Variants in XPO5 observed in about 807,000 individuals in gnomAD.
XPO5 encodes exportin-5.
In XPO5, 46 loss-of-function variants were observed where a neutral mutation model predicts 160.6. That is an observed-to-expected ratio of 0.29 (90% CI 0.23 to 0.37). The LOEUF is 0.37. XPO5 is among the 10% of genes least tolerant of loss of function. The pLI is 1.00. For synonymous variants in XPO5, 537 were observed against 519.3 expected (o/e 1.03, Z -0.46); for missense variants, 1,090 against 1,463.9 (o/e 0.74, Z 4.17).
chr6:43,539,632 G>T (rs1025779677), intron 20 of XPO5: 10 of 1,339,096 alleles, frequency 7.5e-6, no homozygotes, highest in Admixed American at 3.9e-5. Context: ...CTCTGCGGAA[G>T]CCACCGCGGT....
intron 6 of XPO5, among the ~76,000 whole-genome samples, chr6:43,568,490 C>T (rs1762819744): frequency 6.6e-6 from 1 of 151,966 alleles, no homozygotes; most frequent in Admixed American, 6.6e-5. Flanking sequence ...CCTATATTCC[C>T]AGCTACTCAT....
At chr6:43,556,887 G>A (rs192448651) in intron 12 of XPO5, among the ~76,000 whole-genome samples, 2 of 152,152 alleles carry the variant, frequency 1.3e-5, no homozygotes. Context: ...CAGCACTTTG[G>A]GACGCCAAGG....
intron 26 of XPO5, 115 bp downstream of exon 26, chr6:43,527,519 T>C: frequency 9.9e-7 from 1 of 1,014,284 alleles, no homozygotes; most frequent in Non-Finnish European, 1.5e-6. Flanking sequence ...CAATCCACCA[T>C]GCCCGCCGCA....
chr6:43,561,049 A>T, intron 9 of XPO5, 42 bp from the exon 10 acceptor site: 1 of 1,500,776 alleles, frequency 6.7e-7, no homozygotes, highest in African/African-American at 1.4e-5. Context: ...TGATCGAGAA[A>T]AGCAGGAGAG....
chr6:43,531,403 A>G, intron 22 of XPO5, 76 bp downstream of exon 22: 1 of 1,401,616 alleles, frequency 7.1e-7, no homozygotes, highest in South Asian at 1.2e-5. Flanking sequence ...CACTAGATGA[A>G]AAGTCCAACC....
At chr6:43,557,244 G>C (rs1391086375) in intron 12 of XPO5, among the ~76,000 whole-genome samples, 1 of 151,778 alleles carries the variant, frequency 6.6e-6, no homozygotes, top group Non-Finnish European at 1.5e-5. Flanking sequence ...GGCTAACACA[G>C]TGAAACCCTG....
chr6:43,539,754 T>C (rs1794585759), intron 20 of XPO5: 1 of 600,940 alleles, frequency 1.7e-6, no homozygotes, highest in Non-Finnish European at 2.9e-6. Flanking sequence ...TGGGAATAGT[T>C]TGTCTAAGAG....
At chr6:43,542,982 T>C (rs771206417) in intron 20 of XPO5, among the ~76,000 whole-genome samples, 9 of 152,264 alleles carry the variant, frequency 5.9e-5, no homozygotes, top group Non-Finnish European at 1.2e-4. Flanking sequence ...CAAGGCTGAA[T>C]AGTTACAGCA....
chr6:43,544,955 C>G (rs1218571445), intron 20 of XPO5, among the ~76,000 whole-genome samples: 5 of 152,174 alleles, frequency 3.3e-5, no homozygotes, highest in East Asian at 1.9e-4. Context: ...TCACTGCAAT[C>G]TCCGCCTCCC....
Position 43,530,745 on chromosome 6 carries a change from T to G in XPO5, c.2620A>C (p.Ser874Arg), listed in dbSNP as rs1382571350. The change falls in exon 23 of 32, where the codon AGC becomes CGC. Residue 874 changes from serine (S) to arginine (R), a missense_variant. Transcript: ENST00000265351. ...TVEDLATQLLSSAFVNLNNIP... is the reference protein window; with the variant it reads ...TVEDLATQLLRSAFVNLNNIP... ...TTGTTCAAGTTGACAAAGGCTGAGC[T>G]GAGAAGCTGGGTAGCAAGGTCCTCC... 6.2e-7 allele frequency: 1 copy of G among 1,613,928 alleles called. No individual in the cohort carries two copies. The highest frequency in any genetic ancestry group is 8.5e-7 in the Non-Finnish European group (1 of 1,179,876).
chr6:43,533,519 G>A (rs1794131351), intron 21 of XPO5: 1 of 166,546 alleles, frequency 6.0e-6, no homozygotes, highest in African/African-American at 2.4e-5. Context: ...AAGACAAGAT[G>A]GAAGAAGCAC....
chr6:43,551,065 T>C (rs981271645), intron 15 of XPO5: 3 of 345,370 alleles, frequency 8.7e-6, no homozygotes, highest in African/African-American at 6.3e-5. Flanking sequence ...TTTATTAGTT[T>C]GCCTCACATA....
At chr6:43,560,372 G>C in intron 10 of XPO5, 69 bp from the exon 11 acceptor site, 1 of 1,477,474 alleles carries the variant, frequency 6.8e-7, no homozygotes, top group Non-Finnish European at 9.0e-7. Context: ...TTACTTAGCA[G>C]TTATCAACTA....
intron 20 of XPO5, among the ~76,000 whole-genome samples, chr6:43,540,314 C>T (rs1023501287): frequency 6.6e-6 from 1 of 152,160 alleles, no homozygotes; most frequent in East Asian, 1.9e-4. Context: ...CCTGTCTCTA[C>T]TAAAATTACA....
intron 16 of XPO5, 61 bp from the exon 17 acceptor site, chr6:43,549,639 A>G (rs1795133585): frequency 2.6e-6 from 4 of 1,558,408 alleles, no homozygotes; most frequent in Non-Finnish European, 3.5e-6. Context: ...GGTGCTGCAT[A>G]GACTCATGTG....
At chr6:43,571,027 C>A in intron 3 of XPO5, 33 bp from the exon 4 acceptor site, 1 of 1,589,510 alleles carries the variant, frequency 6.3e-7, no homozygotes, top group South Asian at 1.1e-5. Context: ...AAGAGATATG[C>A]AAGACTGGAT....
At chr6:43,535,175 C>T (rs904805524) in intron 20 of XPO5, among the ~76,000 whole-genome samples, 6 of 147,504 alleles carry the variant, frequency 4.1e-5, no homozygotes, top group African/African-American at 1.3e-4. Flanking sequence ...GCCTGTGGTC[C>T]CAGCTACTCG....
chr6:43,560,027 C>A, intron 11 of XPO5, 151 bp downstream of exon 11: 1 of 932,066 alleles, frequency 1.1e-6, no homozygotes, highest in Non-Finnish European at 1.5e-6. Flanking sequence ...CCATGTCGCA[C>A]AGGCTGGTCT....
chr6:43,561,155 T>G (rs1018196651), intron 9 of XPO5, 148 bp from the exon 10 acceptor site: 8 of 646,494 alleles, frequency 1.2e-5, no homozygotes, highest in Non-Finnish European at 2.2e-5. Context: ...AAGAAAGGCA[T>G]CACTTCAAGG....
Sources: gnomAD v4.1 joint callset for allele counts (sites outside exome capture counted in the v4.1 genomes callset) on GRCh38, gnomAD v4.1.1 for gene constraint, MANE v1.5 for transcripts, NCBI Gene and HGNC (gene_info 2026-07-23, HGNC 2026-07-21) for gene names.